Variants in NR2F1-AS1 observed in about 807,000 individuals in gnomAD.
The protein encoded by NR2F1-AS1 is NR2F1 regulatory antisense RNA 1, also known as NR2F1 antisense RNA 1.
intron 4 of NR2F1-AS1, among the ~76,000 whole-genome samples, chr5:93,519,906 G>C (rs372724668): frequency 6.6e-6 from 1 of 151,948 alleles, no homozygotes; most frequent in Admixed American, 6.6e-5. Flanking sequence ...ACTCATCTAT[G>C]ATGACTCAGT....
chr5:93,585,244 C>T (rs771412554), upstream of NR2F1-AS1: 2 of 1,563,000 alleles, frequency 1.3e-6, no homozygotes, highest in Non-Finnish European at 1.7e-6. Context: ...GGCCAGGGCC[C>T]GCCCGGTTCG....
chr5:93,571,568 C>T (rs567556479), intron 1 of NR2F1-AS1, among the ~76,000 whole-genome samples: 5 of 151,792 alleles, frequency 3.3e-5, no homozygotes, highest in Non-Finnish European at 7.4e-5. Context: ...TCCCCGCCCT[C>T]CTATGCAAGA....
At chr5:93,533,466 T>C (rs1249138970) in intron 4 of NR2F1-AS1, among the ~76,000 whole-genome samples, 1 of 152,168 alleles carries the variant, frequency 6.6e-6, no homozygotes, top group Non-Finnish European at 1.5e-5. Context: ...TCAAGAAAAC[T>C]GTATCATTGT....
At chr5:93,569,346 A>T (rs1229447868) in intron 1 of NR2F1-AS1, among the ~76,000 whole-genome samples, 6 of 152,214 alleles carry the variant, frequency 3.9e-5, no homozygotes, top group Admixed American at 1.3e-4. Flanking sequence ...AAGCGGGTTT[A>T]AAAAAATCCA....
At chr5:93,417,946 G>A (rs919016944) in intron 4 of NR2F1-AS1, among the ~76,000 whole-genome samples, 2 of 152,198 alleles carry the variant, frequency 1.3e-5, no homozygotes, top group Non-Finnish European at 2.9e-5. Flanking sequence ...GGGCCACCTG[G>A]AGCACTTAAG....
intron 4 of NR2F1-AS1, chr5:93,496,122 A>G (rs375967940): frequency 1.3e-5 from 2 of 152,210 alleles, no homozygotes; most frequent in African/African-American, 4.8e-5. Flanking sequence ...AAATAAAATC[A>G]AAGTGAAATG....
intron 2 of NR2F1-AS1, among the ~76,000 whole-genome samples, chr5:93,560,132 T>C (rs1358108225): frequency 6.6e-6 from 1 of 152,196 alleles, no homozygotes; most frequent in African/African-American, 2.4e-5. Context: ...TTACATTTTA[T>C]AAAAACTGAA....
At chr5:93,451,924 G>T (rs190876744) in intron 4 of NR2F1-AS1, among the ~76,000 whole-genome samples, 1 of 152,108 alleles carries the variant, frequency 6.6e-6, no homozygotes, top group South Asian at 2.1e-4. Context: ...AGGACCTCAC[G>T]GACATGTATT....
intron 4 of NR2F1-AS1, among the ~76,000 whole-genome samples, chr5:93,495,409 G>A (rs1302516248): frequency 6.6e-6 from 1 of 152,060 alleles, no homozygotes. Context: ...TTCTTTTACT[G>A]AGAAAATAAG....
chr5:93,484,765 AG>A (rs1402960020), intron 4 of NR2F1-AS1, among the ~76,000 whole-genome samples: 1 of 147,172 alleles, frequency 6.8e-6, no homozygotes, highest in African/African-American at 2.6e-5. Context: ...ATATTTACCA[AG>A]CAAATGGAAA....
At chr5:93,410,109 CTT>C (rs1748822201) in intron 4 of NR2F1-AS1, 2 of 152,282 alleles carry the variant, frequency 1.3e-5, no homozygotes, top group African/African-American at 2.4e-5. Context: ...TCATGACACA[CTT>C]ATTCTCAAGT....
chr5:93,446,245 A>C (rs947120150), intron 4 of NR2F1-AS1, among the ~76,000 whole-genome samples: 1 of 152,222 alleles, frequency 6.6e-6, no homozygotes, highest in Non-Finnish European at 1.5e-5. Flanking sequence ...CAATTAGGAA[A>C]AGAGGAAGTC....
chr5:93,487,290 A>G (rs1408595559), intron 4 of NR2F1-AS1, among the ~76,000 whole-genome samples: 1 of 152,188 alleles, frequency 6.6e-6, no homozygotes. Flanking sequence ...TCAAACAGGA[A>G]GAGAGAAAAT....
chr5:93,463,162 C>A (rs993278860), intron 4 of NR2F1-AS1, among the ~76,000 whole-genome samples: 2 of 152,272 alleles, frequency 1.3e-5, no homozygotes, highest in South Asian at 2.1e-4. Context: ...ATGCACAGGG[C>A]CCCCCTGCTG....
intron 4 of NR2F1-AS1, among the ~76,000 whole-genome samples, chr5:93,551,511 G>A (rs536287058): frequency 6.6e-6 from 1 of 152,166 alleles, no homozygotes; most frequent in Admixed American, 6.5e-5. Context: ...GTAAACTACT[G>A]AGCCATGTAA....
At chr5:93,489,965 G>A (rs1376560967) in intron 4 of NR2F1-AS1, among the ~76,000 whole-genome samples, 1 of 152,134 alleles carries the variant, frequency 6.6e-6, no homozygotes, top group Admixed American at 6.6e-5. Context: ...AAGAGGATGG[G>A]TGACTCTCAG....
At chr5:93,517,900 T>A (rs1751429835) in intron 4 of NR2F1-AS1, among the ~76,000 whole-genome samples, 1 of 152,068 alleles carries the variant, frequency 6.6e-6, no homozygotes. Flanking sequence ...TTTTTGTAGT[T>A]TACAAACTTG....
chr5:93,574,900 C>T (rs943996318), intron 1 of NR2F1-AS1, among the ~76,000 whole-genome samples: 1 of 152,168 alleles, frequency 6.6e-6, no homozygotes, highest in Non-Finnish European at 1.5e-5. Flanking sequence ...CACTAGGAAA[C>T]CCGGGGAAAC....
At chr5:93,571,217 G>T (rs1351191211) in intron 1 of NR2F1-AS1, 3 of 151,058 alleles carry the variant, frequency 2.0e-5, no homozygotes, top group Non-Finnish European at 1.5e-5. Flanking sequence ...CACTCCCAGC[G>T]GGGGACCTAG....
Sources: allele counts gnomAD v4.1 joint callset (sites outside exome capture counted in the v4.1 genomes callset), GRCh38; gene constraint gnomAD v4.1.1; transcripts MANE v1.5; gene names NCBI Gene and HGNC (gene_info 2026-07-23, HGNC 2026-07-21).